Variants in PCGF3 observed in about 807,000 individuals in gnomAD.
PCGF3 encodes polycomb group RING finger protein 3.
Under a neutral mutation model 33.1 loss-of-function variants are expected in PCGF3, and 7 were observed. The ratio of observed to expected loss-of-function variants is 0.21; its 90% CI spans 0.12 to 0.40. The LOEUF is 0.40. Among genes scored for constraint, PCGF3 ranks in the 10% least tolerant of loss-of-function variants. PCGF3 has a pLI of 1.00. For synonymous variants in PCGF3, 153 were observed against 121.3 expected (o/e 1.26, Z -1.72); for missense variants, 211 against 313.3 (o/e 0.67, Z 2.46).
At chr4:763,164 G>C (rs1745161111) in intron 9 of PCGF3, among the ~76,000 whole-genome samples, 1 of 152,184 alleles carries the variant, frequency 6.6e-6, no homozygotes, top group Admixed American at 6.5e-5. Context: ...GAAGGAAATG[G>C]GGCAACGCTT....
At chr4:724,415 G>C (rs1743241551) in intron 1 of PCGF3, among the ~76,000 whole-genome samples, 1 of 152,284 alleles carries the variant, frequency 6.6e-6, no homozygotes, top group Admixed American at 6.5e-5. Flanking sequence ...CAGCGGTGCT[G>C]TGGGGGCCAT....
intron 3 of PCGF3, among the ~76,000 whole-genome samples, chr4:732,243 C>CCCCCT (rs1743605103): frequency 7.0e-6 from 1 of 143,334 alleles, no homozygotes; most frequent in Non-Finnish European, 1.5e-5. Context: ...GGGTGGGGCT[C>CCCCCT]CCCCTCCCCT....
chr4:719,082 G>A (rs527998352), intron 1 of PCGF3, among the ~76,000 whole-genome samples: 1 of 152,208 alleles, frequency 6.6e-6, no homozygotes, highest in African/African-American at 2.4e-5. Context: ...AGGCTCCTGA[G>A]TAGCTGGGAC....
chr4:765,200 G>A (rs1396627880), intron 10 of PCGF3, 136 bp downstream of exon 10: 14 of 610,822 alleles, frequency 2.3e-5, no homozygotes, highest in South Asian at 3.7e-5. Flanking sequence ...TTGGGAGGAC[G>A]AGGCGGGCGG....
At chr4:708,350 G>A (rs1419956032) in intron 1 of PCGF3, among the ~76,000 whole-genome samples, 1 of 152,136 alleles carries the variant, frequency 6.6e-6, no homozygotes, top group African/African-American at 2.4e-5. Context: ...TAGGCCCCAA[G>A]ACTGGACTGT....
rs74682712 is a variant in PCGF3, at chr4:738,406, T to G, written c.262+885T>G. On this transcript the variant is annotated intron_variant, in intron 6 of 10. Transcript: ENST00000362003. Reference sequence around the variant, plus strand: ...AATTAGTCTTTTAATATCTGAAAGTTTTTTAGTCCTGAGAAAAGGCAAAGG... The same window carrying G: ...AATTAGTCTTTTAATATCTGAAAGTGTTTTAGTCCTGAGAAAAGGCAAAGG... Among the ~76,000 whole-genome samples the G allele has an allele frequency of 2.6e-3, 399 of 152,334 alleles. 14 individuals carry two copies. In the East Asian group the frequency reaches 0.069, roughly 26 times the overall value.
At chr4:740,743 A>G (rs1744052066) in intron 6 of PCGF3, among the ~76,000 whole-genome samples, 1 of 152,228 alleles carries the variant, frequency 6.6e-6, no homozygotes, top group South Asian at 2.1e-4. Context: ...TTATGATGTG[A>G]TAATTTAAGA....
chr4:755,139 G>A (rs966482915), intron 8 of PCGF3, among the ~76,000 whole-genome samples: 2 of 152,244 alleles, frequency 1.3e-5, no homozygotes, highest in Non-Finnish European at 2.9e-5. Flanking sequence ...TGGTGTCGCA[G>A]AGCACACGGC....
In PCGF3 at chr4:710,799, A is replaced by G. The variant is rs1246592208; in HGVS notation, c.-190+4829A>G. On this transcript the variant is annotated intron_variant, in intron 1 of 10. Coordinates refer to ENST00000362003, the Ensembl canonical transcript of PCGF3. ...TGTCACTGATGTCAAATCCTTCCCA[A>G]CAGCTTCAAGTGCAAGGATTTTTGC... Among the ~76,000 whole-genome samples, 7 of 152,182 alleles carry G rather than the reference A, an allele frequency of 4.6e-5. No homozygotes were observed. In the South Asian group the frequency reaches 1.2e-3, roughly 27 times the overall value.
At chr4:751,310 T>A (rs1744500942) in intron 8 of PCGF3, among the ~76,000 whole-genome samples, 1 of 152,216 alleles carries the variant, frequency 6.6e-6, no homozygotes, top group Non-Finnish European at 1.5e-5. Flanking sequence ...TCACACTAAT[T>A]TTATTCTAGG....
chr4:759,958 T>C (rs79985276), intron 8 of PCGF3, among the ~76,000 whole-genome samples: 1,778 of 138,948 alleles, frequency 0.013, 56 homozygotes, highest in African/African-American at 0.02. Context: ...CCCCACGGCC[T>C]CTCTCCCGAG....
chr4:720,796 C>A lies in PCGF3; in HGVS notation c.-189-9834C>A, dbSNP rs940248155. On this transcript the variant is annotated intron_variant, in intron 1 of 10. Coordinates refer to ENST00000362003, the Ensembl canonical transcript of PCGF3. This position sits in a 1 kb window ranked among gnomAD's most constrained non-coding sequence, Gnocchi z 5.6. Reference sequence around the variant, plus strand: ...TGTGGTTCCGACGTGACTGCGCTGGCATGGGAAGCAGAGGGTGAGGCTCGG... The same window carrying A: ...TGTGGTTCCGACGTGACTGCGCTGGAATGGGAAGCAGAGGGTGAGGCTCGG... Among the ~76,000 whole-genome samples, 2 of 152,090 alleles carry A rather than the reference C, an allele frequency of 1.3e-5. No individual in the cohort carries two copies. The highest frequency in any genetic ancestry group is 1.3e-4 in the Admixed American group (2 of 15,268).
intron 4 of PCGF3, chr4:734,537 T>C: frequency 8.5e-7 from 1 of 1,179,042 alleles, no homozygotes; most frequent in Non-Finnish European, 1.1e-6. Context: ...TTATGTTAGG[T>C]TATTTTCATT....
chr4:739,417 C>T (rs1202222262), intron 6 of PCGF3, among the ~76,000 whole-genome samples: 1 of 152,148 alleles, frequency 6.6e-6, no homozygotes, highest in Non-Finnish European at 1.5e-5. Context: ...GTCTTGAACT[C>T]CTGGGCTCAA....
intron 8 of PCGF3, among the ~76,000 whole-genome samples, chr4:748,484 C>T (rs1560211628): frequency 6.6e-6 from 1 of 152,216 alleles, no homozygotes; most frequent in Non-Finnish European, 1.5e-5. Flanking sequence ...CCGCGCCCAG[C>T]CAAGTAACGG....
At chr4:766,318 G>C (rs567645677) in exon 11 of PCGF3, 7 of 459,886 alleles carry the variant, frequency 1.5e-5, no homozygotes, top group South Asian at 2.8e-5. Flanking sequence ...GCCCCACCCC[G>C]TGCTTCAGCC....
At chr4:758,214 G>C (rs995333619) in intron 8 of PCGF3, among the ~76,000 whole-genome samples, 1 of 140,030 alleles carries the variant, frequency 7.1e-6, no homozygotes, top group African/African-American at 2.7e-5. Context: ...CTGTAAGTCT[G>C]TGCCCCTCCC....
At chr4:731,694 C>T (rs574514181) in intron 3 of PCGF3, among the ~76,000 whole-genome samples, 44 of 30,802 alleles carry the variant, frequency 1.4e-3, no homozygotes, top group Admixed American at 2.8e-3. Context: ...GGGCGTAGGG[C>T]GGGGCTCCCC....
chr4:766,296 G>C (rs763957999), exon 11 of PCGF3: 2 of 515,886 alleles, frequency 3.9e-6, no homozygotes, highest in Non-Finnish European at 6.9e-6. Context: ...AGAGCCGATC[G>C]TCCTCTCCCC....
Sources: gnomAD v4.1 joint callset for allele counts (sites outside exome capture counted in the v4.1 genomes callset) on GRCh38, gnomAD v4.1.1 for gene constraint, Gnocchi (gnomAD v3.1) non-coding constraint, MANE v1.5 for transcripts, NCBI Gene and HGNC (gene_info 2026-07-23, HGNC 2026-07-21) for gene names.